IFT172: variants seen among roughly 807,000 people sequenced by gnomAD.
IFT172 encodes the protein intraflagellar transport 172.
Under a neutral mutation model 248.9 loss-of-function variants are expected in IFT172, and 164 were observed. The observed-to-expected ratio is 0.66, with a 90% CI of 0.58 to 0.75. The LOEUF (loss-of-function observed/expected upper bound fraction) is 0.75. Among genes scored for constraint, IFT172 ranks in the 30% least tolerant of loss-of-function variants. The probability of loss-of-function intolerance (pLI) is 0.00; values close to 1 mark genes in which losing one functional copy is unlikely to be tolerated. For synonymous variants in IFT172, 729 were observed against 791.6 expected (o/e 0.92, Z 1.33); for missense variants, 1,950 against 2,192.4 (o/e 0.89, Z 2.21).
intron 23 of IFT172, 84 bp from the exon 24 acceptor site, chr2:27,459,913 A>G: frequency 1.3e-6 from 2 of 1,555,920 alleles, no homozygotes; most frequent in South Asian, 1.2e-5. Flanking sequence ...TGAAGCATGG[A>G]GAATAGGTAA....
At chr2:27,470,231 G>A (rs1294742966) in intron 16 of IFT172, among the ~76,000 whole-genome samples, 1 of 150,860 alleles carries the variant, frequency 6.6e-6, no homozygotes, top group Admixed American at 6.6e-5. Flanking sequence ...GAGATAGTGG[G>A]AGACCCTGTC....
rs574492838 is a variant in IFT172, at chr2:27,455,568, G to A, written c.3372-908C>T. The A allele has an allele frequency of 1.3e-4, 28 of 208,694 alleles. 1 individual carries two copies. The highest frequency in any genetic ancestry group is 2.0e-3 in the Middle Eastern group (1 of 512). The allele number at this position is 208,694 out of a possible 1,614,324, so 12.9% of individuals were successfully genotyped here. A position where few individuals can be genotyped will look rare whatever the true frequency, so the allele number is the denominator to read the frequency against. ...CTAAAAAAGTACAAAAAAATTAGCC[G>A]GGCGTGGTGGCGGGCACCTGTAGTC... is the stretch of plus-strand genomic sequence containing the variant. On this transcript the variant is annotated intron_variant, in intron 30 of 47. Coordinates refer to ENST00000260570, the MANE Select transcript of IFT172 (RefSeq NM_015662.3).
In IFT172 at chr2:27,459,732, G is replaced by C. The variant is rs764676705; in HGVS notation, c.2619C>G (p.Ala873=). The C allele has an allele frequency of 6.2e-7, 1 of 1,612,722 alleles. No individual in the cohort carries two copies. The highest frequency in any genetic ancestry group is 2.2e-5 in the East Asian group (1 of 44,894). ...ACCTGGCTTCGATGTAGTGATTAATGGCTGCATCAAGCTGCTTCTGCTGCA... is the reference window on the plus strand; with the variant it reads ...ACCTGGCTTCGATGTAGTGATTAATCGCTGCATCAAGCTGCTTCTGCTGCA... ...HLVQQKQLDA[A]INHYIEARCS... The change falls in exon 24 of 48, where the codon GCC becomes GCG. Residue 873 remains alanine, a synonymous_variant. Transcript: ENST00000260570.
In IFT172 at chr2:27,478,462, A is replaced by G. The variant is rs141875753; in HGVS notation, c.1006-306T>C. Among the ~76,000 whole-genome samples the G allele has an allele frequency of 9.7e-4, 148 of 152,286 alleles. 2 individuals are homozygous for G. In the East Asian group the frequency reaches 0.027, roughly 28 times the overall value. On this transcript the variant is annotated intron_variant, in intron 10 of 47. Transcript: ENST00000260570. ...ACAAACCTTATATATCATTGATCAC[A>G]GTGTATGTATTGATCAGTTGATTGA...
chr2:27,481,442 CACACACACACAT>C (rs1330714964), intron 7 of IFT172, among the ~76,000 whole-genome samples, 182 bp from the exon 8 acceptor site: 308 of 151,288 alleles, frequency 2.0e-3, no homozygotes, highest in African/African-American at 7.2e-3. Context: ...CACACACACA[CACACACACACAT>C]ACACACACAC....
chr2:27,444,677 TTGCTTTGTCGCCCAGGCTG>T (rs1445687686), intron 47 of IFT172, among the ~76,000 whole-genome samples, 156 bp from the exon 48 acceptor site: 1 of 152,086 alleles, frequency 6.6e-6, no homozygotes, highest in Non-Finnish European at 1.5e-5. Context: ...AGACAAAGTC[TTGCTTTGTCGCCCAGGCTG>T]GAGTGCAGTG....
In IFT172 at chr2:27,444,526, G is replaced by C. The variant is rs1259207198; in HGVS notation, c.5161-5C>G. ...GCACACTGGGCTGTGGGAGGTCTGT[G>C]AGCAAATGGAAGAACATGAGAGGAA... On this transcript the variant is annotated splice_region_variant and splice_polypyrimidine_tract_variant and intron_variant, in intron 47 of 47. Transcript: ENST00000260570. The C allele has an allele frequency of 4.3e-6, 7 of 1,611,528 alleles. No homozygotes were observed. Among genetic ancestry groups the C allele is most frequent in the Admixed American group, 1.7e-5 (1 of 59,908 alleles).
At chr2:27,469,163 G>A (rs1232520700) in intron 16 of IFT172, among the ~76,000 whole-genome samples, 3 of 152,196 alleles carry the variant, frequency 2.0e-5, no homozygotes, top group African/African-American at 2.4e-5. Flanking sequence ...GGAGCCTGAC[G>A]GAGGCGGATC....
Position 27,447,866 on chromosome 2 carries a change from G to A in IFT172, c.4485C>T (p.Asn1495=), listed in dbSNP as rs752371037. The change falls in exon 41 of 48, where the codon AAC becomes AAT. Residue 1495 remains asparagine, a synonymous_variant. Coordinates refer to ENST00000260570, the MANE Select transcript of IFT172 (RefSeq NM_015662.3). ...CCCAGCTATGATAGGCCTCGGCACA[G>A]TTGGTTCCAGGAGAGCTCACCATGT... ...FTDMVSSPGT[N]CAEAYHSWAD... is the part of the protein sequence containing the mutation. 8 of 1,613,874 alleles carry A rather than the reference G, an allele frequency of 5.0e-6. No homozygotes were observed. In the East Asian group the frequency reaches 1.6e-4, roughly 31 times the overall value.
In IFT172 at chr2:27,467,972, A is replaced by G. The variant is rs565335388; in HGVS notation, c.1693-2090T>C. Among the ~76,000 whole-genome samples, 34 of 152,164 alleles carry G rather than the reference A, an allele frequency of 2.2e-4. No individual in the cohort carries two copies. In the South Asian group the frequency reaches 5.6e-3, roughly 25 times the overall value. ...TCAGGAGATTGAGACCACCCTGGCC[A>G]ACACGGTGAAACTCCATCTCTACTA... On this transcript the variant is annotated intron_variant, in intron 16 of 47. Transcript: ENST00000260570.
chr2:27,481,867 G>C (rs948391556), intron 7 of IFT172, among the ~76,000 whole-genome samples: 1 of 151,918 alleles, frequency 6.6e-6, no homozygotes, highest in East Asian at 1.9e-4. Context: ...TATGCACCTG[G>C]TAAAGCTCCT....
At chr2:27,487,890 C>T (rs915877961) in intron 1 of IFT172, among the ~76,000 whole-genome samples, 4 of 152,074 alleles carry the variant, frequency 2.6e-5, no homozygotes, top group Non-Finnish European at 5.9e-5. Context: ...TGGCCTAGAA[C>T]CATGATTAAA....
intron 14 of IFT172, among the ~76,000 whole-genome samples, chr2:27,475,117 T>A (rs960960200): frequency 6.6e-6 from 1 of 152,238 alleles, no homozygotes; most frequent in Admixed American, 6.5e-5. Flanking sequence ...ATAATTATTA[T>A]ATATGAAATT....
intron 14 of IFT172, among the ~76,000 whole-genome samples, chr2:27,474,195 C>T (rs1047493274): frequency 3.9e-5 from 6 of 152,152 alleles, no homozygotes; most frequent in Admixed American, 2.0e-4. Flanking sequence ...TTTTGCTGCT[C>T]GAATCTTAGG....
chr2:27,444,483 G>T lies in IFT172; in HGVS notation c.5199C>A (p.Phe1733Leu), dbSNP rs1161932262. ...HSPVCQDVLK[F>L]ISQWCGGLPS... is the part of the protein sequence containing the mutation. ...GGAGCCCTCCACACCACTGACTGAT[G>T]AATTTCAGCACGTCCTGGCACACTG... is the stretch of plus-strand genomic sequence containing the variant. The change falls in exon 48 of 48, where the codon TTC becomes TTA. Residue 1733 changes from phenylalanine (F) to leucine (L), a missense_variant. This residue lies in a region of IFT172 where 620 missense variants were observed against 699.0 expected (regional missense o/e 0.89). Transcript: ENST00000260570. 1 of 1,613,720 alleles carries T rather than the reference G, an allele frequency of 6.2e-7. No individual in the cohort carries two copies. Among genetic ancestry groups the T allele is most frequent in the South Asian group, 1.1e-5 (1 of 90,960 alleles).
chr2:27,445,651 AG>A lies in IFT172; in HGVS notation c.4914+93del. 1.4e-6 allele frequency: 2 copies of A among 1,466,090 alleles called. No individual in the cohort carries two copies. Among genetic ancestry groups the A allele is most frequent in the Non-Finnish European group, 1.9e-6 (2 of 1,056,648 alleles). 90.8% of individuals were successfully genotyped at this position (1,466,090 alleles called of 1,614,324 possible). A position where few individuals can be genotyped will look rare whatever the true frequency, so the allele number is the denominator to read the frequency against. On this transcript the variant is annotated intron_variant, in intron 45 of 47. Coordinates refer to ENST00000260570, the MANE Select transcript of IFT172 (RefSeq NM_015662.3). The surrounding 1 kb of genome is among the most constrained non-coding windows in gnomAD (Gnocchi z 4.4). ...TTCACTGAAAAAACAGTGAGGGCTG[AG>A]GTCCTTCCAAAGATGGCAGCACAAA...
rs763527049 is a variant in IFT172 at position 27,453,530 on chromosome 2, G to C, written c.3822-17C>G. On this transcript the variant is annotated splice_polypyrimidine_tract_variant and intron_variant, in intron 34 of 47. Coordinates refer to ENST00000260570, the MANE Select transcript of IFT172 (RefSeq NM_015662.3). ...TCCACACCCCTGTGGAGATGAGAGC[G>C]CTGGGACTTGGCATGGTAGGGGGGC... 1 of 1,612,796 alleles carries C rather than the reference G, an allele frequency of 6.2e-7. No individual in the cohort carries two copies. The highest frequency in any genetic ancestry group is 1.7e-5 in the Admixed American group (1 of 59,982).
chr2:27,446,806 TCTC>T (rs1665159886), intron 42 of IFT172, among the ~76,000 whole-genome samples: 1 of 147,360 alleles, frequency 6.8e-6, no homozygotes, highest in South Asian at 2.2e-4. Flanking sequence ...TTCACGCCAT[TCTC>T]CTGCCTCAGC....
intron 8 of IFT172, among the ~76,000 whole-genome samples, chr2:27,480,727 CA>C (rs1041161675): frequency 6.6e-6 from 1 of 152,136 alleles, no homozygotes; most frequent in Non-Finnish European, 1.5e-5. Context: ...GGCTAAACAA[CA>C]GTAGTTTGCA....
Sources: allele counts gnomAD v4.1 joint callset (sites outside exome capture counted in the v4.1 genomes callset), GRCh38; gene constraint gnomAD v4.1.1; regional missense constraint gnomAD v4.1.1; non-coding constraint Gnocchi (gnomAD v3.1); transcripts MANE v1.5; gene names NCBI Gene and HGNC (gene_info 2026-07-23, HGNC 2026-07-21).